TMEM196: variants seen among roughly 807,000 people sequenced by gnomAD.
TMEM196 encodes transmembrane protein 196.
In TMEM196, 17 loss-of-function variants were observed where a neutral mutation model predicts 20.0. The ratio of observed to expected loss-of-function variants is 0.85; its 90% CI spans 0.58 to 1.27. TMEM196 has a LOEUF of 1.27. Ranked by LOEUF, TMEM196 falls within the 50% of genes most tolerant of loss-of-function variation. The probability of loss-of-function intolerance (pLI) is 0.00; values close to 1 mark genes in which losing one functional copy is unlikely to be tolerated. For synonymous variants in TMEM196, 113 were observed against 88.9 expected, an observed-to-expected ratio of 1.27 and a Z score of -1.52; for missense variants, 267 against 223.0, an observed-to-expected ratio of 1.20 and a Z score of -1.26.
chr7:19,751,561 G>T (rs751506636), intron 1 of TMEM196, among the ~76,000 whole-genome samples: 3 of 152,148 alleles, frequency 2.0e-5, no homozygotes, highest in Non-Finnish European at 2.9e-5. Context: ...ACTCCTGCAG[G>T]TATGCTGATA....
At chr7:19,755,193 A>T (rs1785156176) in intron 1 of TMEM196, among the ~76,000 whole-genome samples, 2 of 152,234 alleles carry the variant, frequency 1.3e-5, no homozygotes, top group Non-Finnish European at 1.5e-5. Flanking sequence ...GGCAAAATCT[A>T]ACAAAATATT....
intron 1 of TMEM196, among the ~76,000 whole-genome samples, chr7:19,740,852 A>G (rs1784561386): frequency 6.6e-6 from 1 of 152,202 alleles, no homozygotes; most frequent in Admixed American, 6.5e-5. Flanking sequence ...AGAATTGAGT[A>G]CAGAAATAAA....
chr7:19,767,307 C>T (rs1785674036), intron 1 of TMEM196, among the ~76,000 whole-genome samples: 1 of 152,042 alleles, frequency 6.6e-6, no homozygotes, highest in South Asian at 2.1e-4. Flanking sequence ...TGAATAATAA[C>T]TATATTTCCC....
chr7:19,722,060 T>C lies in TMEM196; in HGVS notation c.*68A>G. Reference sequence around the variant, plus strand: ...ATGAAAATCCTAAAAAGTGTTCAATTCTTTAAAACATTGATTACACTCTTC... The same window carrying C: ...ATGAAAATCCTAAAAAGTGTTCAATCCTTTAAAACATTGATTACACTCTTC... On this transcript the variant is annotated 3_prime_UTR_variant, in exon 5 of 5. Transcript: ENST00000405844. The C allele has an allele frequency of 6.2e-7, 1 of 1,605,258 alleles. No homozygotes were observed. The highest frequency in any genetic ancestry group is 1.7e-5 in the Admixed American group (1 of 59,210).
At chr7:19,759,787 G>A (rs1439025208) in intron 1 of TMEM196, among the ~76,000 whole-genome samples, 2 of 151,932 alleles carry the variant, frequency 1.3e-5, no homozygotes, top group Non-Finnish European at 1.5e-5. Flanking sequence ...CTCTATAATG[G>A]CATAAAATTG....
At chr7:19,735,118 A>C (rs1784350310) in intron 1 of TMEM196, among the ~76,000 whole-genome samples, 2 of 152,286 alleles carry the variant, frequency 1.3e-5, no homozygotes, top group South Asian at 4.1e-4. Flanking sequence ...AGAGATCCTA[A>C]CTAGATTTAG....
intron 1 of TMEM196, among the ~76,000 whole-genome samples, chr7:19,752,312 T>C (rs1394075619): frequency 6.6e-6 from 1 of 152,186 alleles, no homozygotes; most frequent in Non-Finnish European, 1.5e-5. Context: ...CCTGTGTCTA[T>C]TACTCTTATT....
At chr7:19,763,497 A>G (rs1562628888) in intron 1 of TMEM196, among the ~76,000 whole-genome samples, 1 of 152,198 alleles carries the variant, frequency 6.6e-6, no homozygotes, top group Non-Finnish European at 1.5e-5. Context: ...ATCTAAAACA[A>G]TTATTCCTGG....
intron 1 of TMEM196, among the ~76,000 whole-genome samples, chr7:19,763,517 A>G (rs1210784009): frequency 2.6e-5 from 4 of 152,198 alleles, no homozygotes; most frequent in Non-Finnish European, 4.4e-5. Flanking sequence ...GGACTCTGGA[A>G]CATGCACACC....
Position 19,765,606 on chromosome 7 carries a change from A to G in TMEM196, c.147+6944T>C, listed in dbSNP as rs73682829. On this transcript the variant is annotated intron_variant, in intron 1 of 4. Coordinates refer to ENST00000405844, the MANE Select transcript of TMEM196 (RefSeq NM_001363562.2). ...TTTTATGGCATAAATAATGGTCACC[A>G]TATTCACACTATTCGATTTGCCTAA... Among the ~76,000 whole-genome samples, 1,035 of 152,296 alleles carry G rather than the reference A, an allele frequency of 6.8e-3. 11 individuals are homozygous for G. Among genetic ancestry groups the G allele is most frequent in the African/African-American group, 0.023 (966 of 41,572 alleles).
intron 1 of TMEM196, among the ~76,000 whole-genome samples, chr7:19,756,456 A>G (rs1245081035): frequency 6.6e-6 from 1 of 151,974 alleles, no homozygotes; most frequent in African/African-American, 2.4e-5. Flanking sequence ...GGTATAAATT[A>G]TTTCCTCAAC....
chr7:19,752,906 C>A (rs973384626), intron 1 of TMEM196, among the ~76,000 whole-genome samples: 1 of 152,170 alleles, frequency 6.6e-6, no homozygotes, highest in African/African-American at 2.4e-5. Flanking sequence ...AGCCACCCGC[C>A]CGGCCTTTTT....
rs1017842856 is a variant in TMEM196, at chr7:19,720,336, G to T, written c.*1792C>A. 1.3e-5 allele frequency: 2 copies of T among 151,986 alleles called. No homozygotes were observed. Among genetic ancestry groups the T allele is most frequent in the Non-Finnish European group, 2.9e-5 (2 of 67,874 alleles). 9.4% of individuals were successfully genotyped at this position (151,986 alleles called of 1,614,324 possible). ...AGCTGATTTAAATAGGTTAAACGAT[G>T]ATCATGTTGCTATAAAAGACCTTCA... On this transcript the variant is annotated 3_prime_UTR_variant, in exon 5 of 5. Coordinates refer to ENST00000405844, the MANE Select transcript of TMEM196 (RefSeq NM_001363562.2).
chr7:19,734,837 T>C (rs1784341860), intron 1 of TMEM196, among the ~76,000 whole-genome samples: 3 of 152,106 alleles, frequency 2.0e-5, no homozygotes, highest in African/African-American at 7.2e-5. Context: ...AGGAAACTAA[T>C]ACAGGCTCAA....
intron 4 of TMEM196, 109 bp from the exon 5 acceptor site, chr7:19,722,243 G>C (rs1783838567): frequency 2.2e-6 from 2 of 903,714 alleles, no homozygotes; most frequent in South Asian, 1.6e-5. Flanking sequence ...AACTTGCTAA[G>C]TTTTGGGGAA....
chr7:19,759,208 A>G (rs1410295513), intron 1 of TMEM196, among the ~76,000 whole-genome samples: 1 of 152,142 alleles, frequency 6.6e-6, no homozygotes, highest in Non-Finnish European at 1.5e-5. Flanking sequence ...GGCCTGGCCT[A>G]TGTTCCCATT....
intron 1 of TMEM196, among the ~76,000 whole-genome samples, chr7:19,752,330 T>C (rs1785019995): frequency 1.3e-5 from 2 of 152,220 alleles, no homozygotes; most frequent in Admixed American, 6.5e-5. Flanking sequence ...ATTACTGTTC[T>C]CTCAAAACTC....
intron 1 of TMEM196, among the ~76,000 whole-genome samples, chr7:19,732,280 G>A (rs1453818206): frequency 6.6e-6 from 1 of 152,064 alleles, no homozygotes; most frequent in Admixed American, 6.6e-5. Flanking sequence ...AAATTAATTT[G>A]TTTTTAATAA....
At chr7:19,757,631 G>C (rs886206713) in intron 1 of TMEM196, among the ~76,000 whole-genome samples, 7 of 152,040 alleles carry the variant, frequency 4.6e-5, no homozygotes, top group African/African-American at 1.7e-4. Context: ...TAGTGAGATA[G>C]CTTGGCTGGA....
Sources: allele counts gnomAD v4.1 joint callset (sites outside exome capture counted in the v4.1 genomes callset), GRCh38; gene constraint gnomAD v4.1.1; transcripts MANE v1.5; gene names NCBI Gene and HGNC (gene_info 2026-07-23, HGNC 2026-07-21).